The following REEP1 variants were observed in gnomAD, a reference collection of about 807,000 sequenced individuals.
REEP1 encodes the protein receptor expression-enhancing protein 1.
In REEP1, 22 loss-of-function variants were observed where a neutral mutation model predicts 40.3. The observed-to-expected ratio is 0.55, with a 90% confidence interval of 0.39 to 0.78. The LOEUF is 0.78. REEP1 is among the 30% of genes least tolerant of loss of function. The pLI is 0.00. For synonymous variants in REEP1, 116 were observed against 139.2 expected (o/e 0.83, Z 1.17); for missense variants, 280 against 361.1 (o/e 0.78, Z 1.82).
At chr2:86,218,341 C>A (rs2103953414) in intron 8 of REEP1, among the ~76,000 whole-genome samples, 2 of 152,320 alleles carry the variant, frequency 1.3e-5, no homozygotes, top group Admixed American at 1.3e-4. Flanking sequence ...TGAGGGCAGG[C>A]CCATGTCGCA....
intron 1 of REEP1, among the ~76,000 whole-genome samples, chr2:86,306,068 CT>C (rs915420686): frequency 6.6e-6 from 1 of 152,244 alleles, no homozygotes; most frequent in Non-Finnish European, 1.5e-5. Context: ...AACTGCCAAA[CT>C]TTTTTTTAAG....
intron 1 of REEP1, among the ~76,000 whole-genome samples, chr2:86,320,584 T>C (rs1328940543): frequency 6.6e-6 from 1 of 152,150 alleles, no homozygotes; most frequent in East Asian, 1.9e-4. Context: ...GAACATAACA[T>C]AAATATGTTT....
At chr2:86,223,311 C>A (rs1260980005) in intron 7 of REEP1, among the ~76,000 whole-genome samples, 1 of 152,216 alleles carries the variant, frequency 6.6e-6, no homozygotes, top group African/African-American at 2.4e-5. Flanking sequence ...ACTGGCAGAG[C>A]CTCTCAGCCC....
chr2:86,305,399 G>A (rs576865453), intron 1 of REEP1, among the ~76,000 whole-genome samples: 1 of 152,318 alleles, frequency 6.6e-6, no homozygotes, highest in Admixed American at 6.5e-5. Flanking sequence ...TGCACCAGCT[G>A]AGCAAGCTCA....
intron 1 of REEP1, among the ~76,000 whole-genome samples, chr2:86,310,458 C>T (rs949776584): frequency 6.6e-6 from 1 of 152,156 alleles, no homozygotes; most frequent in Non-Finnish European, 1.5e-5. Flanking sequence ...GGCGGTACCA[C>T]CTAGGTTTGT....
At chr2:86,292,055 C>T (rs1329789488) in intron 1 of REEP1, among the ~76,000 whole-genome samples, 1 of 152,080 alleles carries the variant, frequency 6.6e-6, no homozygotes, top group Non-Finnish European at 1.5e-5. Flanking sequence ...TTAAGCAACC[C>T]AGCTTTATTG....
chr2:86,280,097 G>A (rs973180916), intron 2 of REEP1: 1 of 451,656 alleles, frequency 2.2e-6, no homozygotes, highest in South Asian at 1.6e-5. Context: ...GTGTGGGTGT[G>A]TTAAGGAAAC....
At chr2:86,325,595 G>A (rs952109756) in intron 1 of REEP1, among the ~76,000 whole-genome samples, 2 of 152,190 alleles carry the variant, frequency 1.3e-5, no homozygotes, top group African/African-American at 2.4e-5. Context: ...AGATGTAAGG[G>A]CAGAACAGAA....
chr2:86,294,399 T>A (rs1007354391), intron 1 of REEP1, among the ~76,000 whole-genome samples: 1 of 152,240 alleles, frequency 6.6e-6, no homozygotes, highest in Non-Finnish European at 1.5e-5. Flanking sequence ...AAAAATTTTA[T>A]AAAAACAGAA....
Position 86,307,679 on chromosome 2 carries a change from T to C in REEP1, c.33-25437A>G, listed in dbSNP as rs1679563179. Among the ~76,000 whole-genome samples, 4 of 151,364 alleles carry C rather than the reference T, an allele frequency of 2.6e-5. No individual in the cohort carries two copies. The South Asian group carries it at 8.4e-4, about 32-fold the overall frequency. ...AGGAGGTTGAGGCTGCCATGAGCCG[T>C]GATGGCGCCACTGCACTCCAGGTCT... On this transcript the variant is annotated intron_variant, in intron 1 of 8. Transcript: ENST00000538924.
chr2:86,257,903 T>C (rs961736531), intron 3 of REEP1, among the ~76,000 whole-genome samples: 4 of 152,204 alleles, frequency 2.6e-5, no homozygotes, highest in Admixed American at 1.3e-4. Flanking sequence ...ATTACAAGCA[T>C]GAGCCACCGC....
chr2:86,260,623 T>C (rs1215081310), intron 3 of REEP1, among the ~76,000 whole-genome samples: 1 of 152,130 alleles, frequency 6.6e-6, no homozygotes, highest in Non-Finnish European at 1.5e-5. Context: ...AGTCAAAGCA[T>C]GGGCAGGACT....
chr2:86,248,832 A>C (rs949308642), intron 5 of REEP1, among the ~76,000 whole-genome samples: 27 of 152,196 alleles, frequency 1.8e-4, no homozygotes, highest in Admixed American at 3.3e-4. Context: ...TGGTTTGAAC[A>C]ATAAATTATA....
At chr2:86,272,152 G>C (rs150115037) in intron 2 of REEP1, among the ~76,000 whole-genome samples, 2 of 152,308 alleles carry the variant, frequency 1.3e-5, no homozygotes, top group East Asian at 1.9e-4. Flanking sequence ...AATCCGGGAA[G>C]TGGAGGTTAC....
intron 6 of REEP1, among the ~76,000 whole-genome samples, chr2:86,230,288 C>A (rs986725136): frequency 6.6e-6 from 1 of 152,266 alleles, no homozygotes; most frequent in Non-Finnish European, 1.5e-5. Flanking sequence ...ACCCTGCCAG[C>A]TTCTTGCATT....
At chr2:86,256,208 C>T (rs1412612465) in intron 3 of REEP1, among the ~76,000 whole-genome samples, 2 of 151,996 alleles carry the variant, frequency 1.3e-5, no homozygotes, top group Non-Finnish European at 2.9e-5. Context: ...ATTAGCTGGG[C>T]ATGGTGGCGG....
intron 2 of REEP1, chr2:86,280,199 C>T (rs1207184176): frequency 4.9e-5 from 18 of 366,302 alleles, no homozygotes; most frequent in Non-Finnish European, 1.6e-5. Context: ...AAAGGCAGTT[C>T]CCTCCTGATA....
chr2:86,280,267 G>T (rs1678001649), intron 2 of REEP1, among the ~76,000 whole-genome samples: 1 of 152,154 alleles, frequency 6.6e-6, no homozygotes, highest in African/African-American at 2.4e-5. Flanking sequence ...CTAAACTCTT[G>T]CACGTTCCCT....
chr2:86,303,710 C>T (rs1256609249), intron 1 of REEP1, among the ~76,000 whole-genome samples: 1 of 152,084 alleles, frequency 6.6e-6, no homozygotes, highest in Non-Finnish European at 1.5e-5. Flanking sequence ...AGGAGATGTT[C>T]CAGCAGATCT....
Sources: allele counts gnomAD v4.1 joint callset (sites outside exome capture counted in the v4.1 genomes callset), GRCh38; gene constraint gnomAD v4.1.1; transcripts MANE v1.5; gene names NCBI Gene and HGNC (gene_info 2026-07-23, HGNC 2026-07-21).